The following RNF38 variants were observed in gnomAD, a reference collection of about 807,000 sequenced individuals.
RNF38 encodes E3 ubiquitin-protein ligase RNF38.
Under a neutral mutation model 67.2 loss-of-function variants are expected in RNF38, and 15 were observed. That is an observed-to-expected ratio of 0.22 (90% CI 0.15 to 0.34). RNF38 has a LOEUF of 0.34. Among genes scored for constraint, RNF38 ranks in the 10% least tolerant of loss-of-function variants. RNF38 has a pLI of 1.00. For missense variants in RNF38, 524 were observed against 639.9 expected (o/e 0.82, Z 1.95); for synonymous variants, 220 against 218.8 (o/e 1.01, Z -0.05).
rs779203343 is a variant in RNF38 at position 36,337,626 on chromosome 9, G to A, written c.*2126C>T. ...GCAGCTATATAAAAGTGTATAAGAT[G>A]GGCTTTTGCCATTTTAAACATGATT... On this transcript the variant is annotated 3_prime_UTR_variant, in exon 12 of 12. Coordinates refer to ENST00000259605, the MANE Select transcript of RNF38 (RefSeq NM_022781.5). 3 of 152,088 alleles carry A rather than the reference G, an allele frequency of 2.0e-5. No individual in the cohort carries two copies. Among genetic ancestry groups the A allele is most frequent in the Non-Finnish European group, 4.4e-5 (3 of 67,882 alleles). The allele number at this position is 152,088 out of a possible 1,614,324, so 9.4% of individuals were successfully genotyped here. A position where few individuals can be genotyped will look rare whatever the true frequency, so the allele number is the denominator to read the frequency against.
At chr9:36,384,462 C>T (rs982504529) in intron 2 of RNF38, among the ~76,000 whole-genome samples, 22 of 152,194 alleles carry the variant, frequency 1.4e-4, no homozygotes, top group East Asian at 1.4e-3. Context: ...AGGCCCAATA[C>T]GGAAACCTAA....
In RNF38 at chr9:36,366,479, A is replaced by T. The variant is rs141986133; in HGVS notation, c.570+3240T>A. ...TCTGTTTGATTCTGGTATTAAAAAA[A>T]ATACTGATTATTGTATATTCATTTT... is the stretch of plus-strand genomic sequence containing the variant. On this transcript the variant is annotated intron_variant, in intron 4 of 11. Coordinates refer to ENST00000259605, the MANE Select transcript of RNF38 (RefSeq NM_022781.5). Among the ~76,000 whole-genome samples, 908 of 152,308 alleles carry T rather than the reference A, an allele frequency of 6.0e-3. 14 individuals are homozygous for T. Among genetic ancestry groups the T allele is most frequent in the African/African-American group, 0.021 (870 of 41,564 alleles).
intron 1 of RNF38, among the ~76,000 whole-genome samples, chr9:36,473,968 A>G (rs1840062051): frequency 6.9e-6 from 1 of 143,984 alleles, no homozygotes; most frequent in Non-Finnish European, 1.5e-5. Flanking sequence ...CCTGGGCAAT[A>G]GAGCAAGACT....
chr9:36,375,638 A>G (rs1195620889), intron 3 of RNF38, among the ~76,000 whole-genome samples: 1 of 152,236 alleles, frequency 6.6e-6, no homozygotes, highest in Non-Finnish European at 1.5e-5. Context: ...GCATCTTCTA[A>G]TAGTCAAGAT....
chr9:36,396,655 T>C (rs574558679), intron 1 of RNF38, among the ~76,000 whole-genome samples: 5 of 152,250 alleles, frequency 3.3e-5, no homozygotes, highest in African/African-American at 9.6e-5. Flanking sequence ...CTTAGAGTTA[T>C]GCAAAAGGCA....
intron 2 of RNF38, among the ~76,000 whole-genome samples, chr9:36,418,296 A>G (rs1415476061): frequency 6.6e-6 from 1 of 151,914 alleles, no homozygotes; most frequent in Non-Finnish European, 1.5e-5. Flanking sequence ...TCGGCCTCCC[A>G]AAGTGCTGGG....
chr9:36,379,198 C>T (rs1836018899), intron 2 of RNF38, among the ~76,000 whole-genome samples: 1 of 152,108 alleles, frequency 6.6e-6, no homozygotes, highest in South Asian at 2.1e-4. Context: ...CTGCGCTGGG[C>T]CAATAAGTTT....
At chr9:36,466,813 C>T (rs1295121595) in intron 1 of RNF38, among the ~76,000 whole-genome samples, 1 of 152,062 alleles carries the variant, frequency 6.6e-6, no homozygotes, top group East Asian at 1.9e-4. Context: ...ATTTCTATAA[C>T]ATTTTAAATT....
chr9:36,347,577 G>C (rs1356880497), intron 9 of RNF38, among the ~76,000 whole-genome samples: 1 of 152,140 alleles, frequency 6.6e-6, no homozygotes, highest in East Asian at 1.9e-4. Flanking sequence ...AACTGTACTT[G>C]TATAAGACAG....
chr9:36,390,761 C>G (rs771710173), intron 1 of RNF38, 145 bp from the exon 2 acceptor site: 4 of 885,588 alleles, frequency 4.5e-6, no homozygotes, highest in Non-Finnish European at 6.8e-6. Context: ...TAATTTTAAA[C>G]ATCAAAACAT....
chr9:36,439,585 A>G (rs1318100139), intron 1 of RNF38, among the ~76,000 whole-genome samples: 3 of 152,076 alleles, frequency 2.0e-5, no homozygotes, highest in African/African-American at 7.2e-5. Flanking sequence ...TGGGAGGATC[A>G]CTAGAGGTCA....
At chr9:36,482,724 A>AAT (rs375589026) in intron 1 of RNF38, among the ~76,000 whole-genome samples, 124 of 152,300 alleles carry the variant, frequency 8.1e-4, no homozygotes, top group African/African-American at 2.6e-3. Flanking sequence ...TACTATTTTA[A>AAT]GCTGTGCTCT....
At chr9:36,370,200 T>C (rs980605005) in intron 3 of RNF38, among the ~76,000 whole-genome samples, 10 of 152,204 alleles carry the variant, frequency 6.6e-5, no homozygotes, top group South Asian at 2.1e-4. Context: ...TCATATGAAA[T>C]TGCCCTTTTT....
intron 2 of RNF38, among the ~76,000 whole-genome samples, chr9:36,410,635 G>C (rs1395670489): frequency 1.3e-5 from 2 of 152,176 alleles, no homozygotes; most frequent in Non-Finnish European, 2.9e-5. Flanking sequence ...GGAATGCTGA[G>C]GCCTGCGGAT....
At chr9:36,366,803 C>T (rs1343443732) in intron 4 of RNF38, among the ~76,000 whole-genome samples, 1 of 152,088 alleles carries the variant, frequency 6.6e-6, no homozygotes, top group Non-Finnish European at 1.5e-5. Flanking sequence ...CAATTATAGC[C>T]CTTTTTAAGT....
chr9:36,465,628 A>G (rs1408462810), intron 1 of RNF38, among the ~76,000 whole-genome samples: 1 of 152,224 alleles, frequency 6.6e-6, no homozygotes, highest in Admixed American at 6.5e-5. Context: ...TACAGGCATC[A>G]GCCACTATAC....
chr9:36,372,422 G>T, intron 3 of RNF38: 1 of 608,228 alleles, frequency 1.6e-6, no homozygotes, highest in Non-Finnish European at 3.0e-6. Context: ...ACAGTTCTTT[G>T]TTTTATTGCA....
At chr9:36,354,646 C>T (rs529829386) in intron 6 of RNF38, among the ~76,000 whole-genome samples, 2 of 152,234 alleles carry the variant, frequency 1.3e-5, no homozygotes, top group Admixed American at 1.3e-4. Context: ...ATGGATATAC[C>T]ACTCTTTCGT....
chr9:36,378,136 C>T (rs1425433507), intron 2 of RNF38, among the ~76,000 whole-genome samples: 2 of 150,086 alleles, frequency 1.3e-5, no homozygotes, highest in Non-Finnish European at 3.0e-5. Flanking sequence ...AGGCTGGCTG[C>T]ACAACTGGTG....
Sources: allele counts gnomAD v4.1 joint callset (sites outside exome capture counted in the v4.1 genomes callset), GRCh38; gene constraint gnomAD v4.1.1; transcripts MANE v1.5; gene names NCBI Gene and HGNC (gene_info 2026-07-23, HGNC 2026-07-21).